The following HPS1 variants were observed in gnomAD, a reference collection of about 807,000 sequenced individuals.
HPS1 encodes the protein BLOC-3 complex member HPS1.
In HPS1, 59 loss-of-function variants were observed where a neutral mutation model predicts 90.6. The observed-to-expected ratio is 0.65, with a 90% CI of 0.53 to 0.81. The LOEUF (loss-of-function observed/expected upper bound fraction) is 0.81, where lower values mean the gene tolerates loss of function less well. Ranked by LOEUF, HPS1 falls within the 30% of genes least tolerant of loss-of-function variation. HPS1 has a pLI of 0.00. For missense variants in HPS1, 849 were observed against 896.7 expected (o/e 0.95, Z 0.68); for synonymous variants, 388 against 384.4 (o/e 1.01, Z -0.11).
chr10:98,415,376 A>G (rs974059079), downstream of HPS1, among the ~76,000 whole-genome samples: 2 of 152,236 alleles, frequency 1.3e-5, no homozygotes, highest in African/African-American at 4.8e-5. Flanking sequence ...TGCAGGGGAT[A>G]ATGGCAAAAC....
chr10:98,421,679 T>G (rs577537448), intron 17 of HPS1, among the ~76,000 whole-genome samples: 3 of 152,354 alleles, frequency 2.0e-5, no homozygotes, highest in South Asian at 4.1e-4. Flanking sequence ...ATGCCACCAG[T>G]AAGTACTGAA....
chr10:98,424,514 T>C, intron 13 of HPS1, 140 bp from the exon 14 acceptor site: 1 of 743,918 alleles, frequency 1.3e-6, no homozygotes, highest in South Asian at 1.5e-5. Context: ...CAGGCTACCC[T>C]GGCAGGCCCC....
intron 18 of HPS1, among the ~76,000 whole-genome samples, chr10:98,419,814 C>T (rs537787232): frequency 6.6e-6 from 1 of 152,252 alleles, no homozygotes; most frequent in Non-Finnish European, 1.5e-5. Flanking sequence ...CTGGATGCCA[C>T]GTGGACAATG....
chr10:98,442,460 T>TA (rs963304856), intron 3 of HPS1: 1 of 156,428 alleles, frequency 6.4e-6, no homozygotes, highest in African/African-American at 2.4e-5. Context: ...CAATTTATGG[T>TA]ATGTTAATCA....
intron 2 of HPS1, among the ~76,000 whole-genome samples, 187 bp from the exon 3 acceptor site, chr10:98,443,427 C>T (rs1938818969): frequency 6.6e-6 from 1 of 152,178 alleles, no homozygotes; most frequent in Non-Finnish European, 1.5e-5. Flanking sequence ...TTCAGGTACC[C>T]CCATTTTAGA....
At chr10:98,415,029 T>A, downstream of HPS1, 1 of 1,613,466 alleles carries the variant, frequency 6.2e-7, no homozygotes, top group Non-Finnish European at 8.5e-7. Context: ...CACCACCGCA[T>A]CATACTCAGG....
At chr10:98,442,053 T>C (rs1372988400) in intron 3 of HPS1, among the ~76,000 whole-genome samples, 1 of 152,202 alleles carries the variant, frequency 6.6e-6, no homozygotes, top group African/African-American at 2.4e-5. Context: ...TTTGTAATAG[T>C]CAAAAACTGA....
chr10:98,432,968 C>T (rs1179656548), intron 6 of HPS1, among the ~76,000 whole-genome samples: 1 of 152,200 alleles, frequency 6.6e-6, no homozygotes, highest in Non-Finnish European at 1.5e-5. Context: ...GGCACTGTGG[C>T]TCATGCCTGT....
rs1044298783 is a variant in HPS1, at chr10:98,424,167, C to A, written c.1397+146G>T. On this transcript the variant is annotated intron_variant, in intron 14 of 19. Coordinates refer to ENST00000361490, the MANE Select transcript of HPS1 (RefSeq NM_000195.5). ...GAAGGAGCTTCCCAGCTTCTCCACG[C>A]GGTGCTCCACGTATGTGGGAAGAAA... The A allele has an allele frequency of 5.3e-6, 4 of 755,164 alleles. 1 individual carries two copies. In the South Asian group the frequency reaches 6.0e-5, roughly 11 times the overall value. The allele number at this position is 755,164 out of a possible 1,614,324, so 46.8% of individuals were successfully genotyped here.
In HPS1 at chr10:98,431,189, C is replaced by T. The variant is rs747607498; in HGVS notation, c.610G>A (p.Glu204Lys). The T allele has an allele frequency of 6.8e-6, 11 of 1,613,952 alleles. No individual in the cohort carries two copies. The highest frequency in any genetic ancestry group is 4.0e-5 in the African/African-American group (3 of 74,928). Residue 204 changes from glutamate to lysine, a missense_variant, in exon 7 of 20, where the codon GAG becomes AAG. Physicochemically the swap from Glu to Lys is moderately conservative, Grantham distance 56. Transcript: ENST00000361490. Reference sequence around the variant, plus strand: ...AGCAGGAAGGCATGCAGGGCCTCCTCGCCTCCCCGCTCGGGGCTGGTGTTG... The same window carrying T: ...AGCAGGAAGGCATGCAGGGCCTCCTTGCCTCCCCGCTCGGGGCTGGTGTTG... The part of the protein sequence containing the change: ...AVNTSPERGG[E>K]EALHAFLLVH...
At position 98,423,837 on chromosome 10, in the gene HPS1, C is replaced by G; in HGVS notation, c.1448G>C (p.Arg483Pro). 6.2e-7 allele frequency: 1 copy of G among 1,613,898 alleles called. No individual in the cohort carries two copies. The highest frequency in any genetic ancestry group is 1.1e-5 in the South Asian group (1 of 91,086). ...KLKRQLCAIY[R>P]LNFLTTAPSR... ...GGGGGCTGTGGTCAGAAAGTTCAGC[C>G]GGTAGATGGCGCAGAGCTGCCGCTT... Residue 483 changes from arginine to proline, a missense_variant, in exon 15 of 20, where the codon CGG becomes CCG. Physicochemically the swap from Arg to Pro is moderately radical, Grantham distance 103 (BLOSUM62 -2). Coordinates refer to ENST00000361490, the MANE Select transcript of HPS1 (RefSeq NM_000195.5).
At position 98,423,859 on chromosome 10, in the gene HPS1, G is replaced by A. The variant is rs531338018; in HGVS notation, c.1426C>T (p.Arg476Trp). 12 of 1,613,870 alleles carry A rather than the reference G, an allele frequency of 7.4e-6. No individual in the cohort carries two copies. Among genetic ancestry groups the A allele is most frequent in the South Asian group, 5.5e-5 (5 of 91,082 alleles). The change falls in exon 15 of 20, where the codon CGG becomes TGG. Residue 476 changes from arginine (R) to tryptophan (W), a missense_variant. Physicochemically the swap from Arg to Trp is moderately radical, Grantham distance 101 (BLOSUM62 -3). Coordinates refer to ENST00000361490, the MANE Select transcript of HPS1 (RefSeq NM_000195.5). Reference sequence around the variant, plus strand: ...AGCCGGTAGATGGCGCAGAGCTGCCGCTTCAGCTTCCCACATGCCTGGAGC... The same window carrying A: ...AGCCGGTAGATGGCGCAGAGCTGCCACTTCAGCTTCCCACATGCCTGGAGC... ...ELLQACGKLKRQLCAIYRLNF... is the reference protein window; with the variant it reads ...ELLQACGKLKWQLCAIYRLNF...
intron 8 of HPS1, 61 bp downstream of exon 8, chr10:98,430,510 G>T (rs1846283844): frequency 1.5e-6 from 2 of 1,320,794 alleles, no homozygotes; most frequent in Non-Finnish European, 1.1e-6. Context: ...ACCATCTTCA[G>T]GCAGGTTTTC....
At chr10:98,415,510 T>C (rs2274243), downstream of HPS1, among the ~76,000 whole-genome samples, 54,795 of 152,056 alleles carry the variant, frequency 0.36, 11,032 homozygotes, top group African/African-American at 0.53. Context: ...GGAGGCAGAG[T>C]GGAGCTCGAA....
chr10:98,430,464 C>A, intron 8 of HPS1, 107 bp downstream of exon 8: 1 of 834,528 alleles, frequency 1.2e-6, no homozygotes, highest in South Asian at 1.4e-5. Flanking sequence ...AGAATTGTGA[C>A]TTAGAAAACA....
intron 18 of HPS1, 76 bp from the exon 19 acceptor site, chr10:98,418,333 C>A: frequency 1.3e-6 from 1 of 772,330 alleles, no homozygotes; most frequent in Non-Finnish European, 2.2e-6. Flanking sequence ...GGGCTTGCGG[C>A]CTGGCTTGGC....
intron 17 of HPS1, among the ~76,000 whole-genome samples, chr10:98,421,965 A>AAC (rs1270311453): frequency 6.1e-4 from 72 of 118,772 alleles, no homozygotes; most frequent in African/African-American, 2.5e-3. Flanking sequence ...GAAAGAAAAG[A>AAC]ACACACACAC....
chr10:98,430,992 G>T, intron 7 of HPS1, 139 bp downstream of exon 7: 1 of 882,758 alleles, frequency 1.1e-6, no homozygotes, highest in Non-Finnish European at 1.9e-6. Context: ...AAAGGTTGGA[G>T]AATCAAATCT....
Position 98,433,980 on chromosome 10 carries a change from C to A in HPS1, c.507+3G>T. The A allele has an allele frequency of 1.3e-6, 2 of 1,556,058 alleles. No homozygotes were observed. Among genetic ancestry groups the A allele is most frequent in the South Asian group, 2.4e-5 (2 of 84,274 alleles). On this transcript the variant is annotated splice_donor_region_variant and intron_variant, in intron 6 of 19. Transcript: ENST00000361490. Reference sequence around the variant, plus strand: ...CCTGAGGACTCCCGCGCCCAGTAGTCACCTCCACGGCGAAGCACTGCTCCT... The same window carrying A: ...CCTGAGGACTCCCGCGCCCAGTAGTAACCTCCACGGCGAAGCACTGCTCCT...
Sources: gnomAD v4.1 joint callset for allele counts (sites outside exome capture counted in the v4.1 genomes callset) on GRCh38, gnomAD v4.1.1 for gene constraint, MANE v1.5 for transcripts, NCBI Gene and HGNC (gene_info 2026-07-23, HGNC 2026-07-21) for gene names.